The following EWSR1 variants were observed in gnomAD, a reference collection of about 807,000 sequenced individuals.
EWSR1 encodes the protein EWS RNA binding protein 1.
A neutral mutation model predicts 92.1 loss-of-function variants in EWSR1; 14 were observed. That is an observed-to-expected ratio of 0.15 (90% CI 0.10 to 0.24). The LOEUF (loss-of-function observed/expected upper bound fraction) is 0.24, where lower values mean the gene tolerates loss of function less well. Among genes scored for constraint, EWSR1 ranks in the 10% least tolerant of loss-of-function variants. The pLI, the probability that EWSR1 is intolerant of heterozygous loss-of-function variation, is 1.00. For synonymous variants in EWSR1, 303 were observed against 292.9 expected (o/e 1.03, Z -0.35); for missense variants, 637 against 870.9 (o/e 0.73, Z 3.38).
intron 4 of EWSR1, chr22:29,274,538 G>A (rs2058952220): frequency 4.5e-6 from 2 of 442,022 alleles, no homozygotes; most frequent in Non-Finnish European, 4.1e-6. Flanking sequence ...CCTTCCCAAA[G>A]GTATTTCAGG....
chr22:29,288,473 T>G, intron 7 of EWSR1, 133 bp from the exon 8 acceptor site: 3 of 775,656 alleles, frequency 3.9e-6, no homozygotes, highest in Non-Finnish European at 6.0e-6. Context: ...TTAAGGATGC[T>G]TTATCGTGAT....
At chr22:29,290,638 A>G (rs1444092599) in intron 8 of EWSR1, 2 of 1,427,452 alleles carry the variant, frequency 1.4e-6, no homozygotes, top group Non-Finnish European at 1.8e-6. Flanking sequence ...AGGAGGTATA[A>G]TACTCTAGAA....
chr22:29,297,497 G>T (rs1432169089), intron 12 of EWSR1, among the ~76,000 whole-genome samples: 1 of 152,114 alleles, frequency 6.6e-6, no homozygotes, highest in Non-Finnish European at 1.5e-5. Flanking sequence ...TTCACTAGCA[G>T]CCTGGGCAAC....
chr22:29,292,112 T>C (rs547525082), intron 9 of EWSR1, 25 bp from the exon 10 acceptor site: 25 of 1,611,012 alleles, frequency 1.6e-5, no homozygotes, highest in Non-Finnish European at 1.1e-5. Context: ...TAATAATATT[T>C]TATATGATCT....
At position 29,299,718 on chromosome 22, in the gene EWSR1, C is replaced by T. The variant is rs754794055; in HGVS notation, c.1798C>T (p.Arg600Cys). ...CCGTGGTGGAGACAGAGGTGGCTTC[C>T]GTGGTGGCCGGGGCATGGACCGAGG... is the stretch of plus-strand genomic sequence containing the variant. Reference protein sequence around the residue: ...GGRGGDRGGFRGGRGMDRGGF... With the variant: ...GGRGGDRGGFCGGRGMDRGGF... Residue 600 changes from arginine to cysteine, a missense_variant, in exon 16 of 17, where the codon CGT becomes TGT. By Grantham distance (180) the Arg-to-Cys change is radical. This residue lies in a region of EWSR1 where 363 missense variants were observed against 447.8 expected (regional missense o/e 0.81). Coordinates refer to ENST00000397938, the MANE Select transcript of EWSR1 (RefSeq NM_005243.4). 13 of 1,611,832 alleles carry T rather than the reference C, an allele frequency of 8.1e-6. No individual in the cohort carries two copies. Among genetic ancestry groups the T allele is most frequent in the East Asian group, 6.7e-5 (3 of 44,828 alleles).
In EWSR1 at chr22:29,296,403, G is replaced by A. The variant is rs778663192; in HGVS notation, c.1294+35G>A. On this transcript the variant is annotated intron_variant, in intron 12 of 16. Transcript: ENST00000397938. ...ACTCACTGGCATTCTTAATCTCCCTGGCTATAGAATATGGCATGAGGGAGA... is the reference window on the plus strand; with the variant it reads ...ACTCACTGGCATTCTTAATCTCCCTAGCTATAGAATATGGCATGAGGGAGA... 3.1e-6 allele frequency: 5 copies of A among 1,610,964 alleles called. No homozygotes were observed. In the Admixed American group the frequency reaches 8.4e-5, roughly 27 times the overall value.
intron 14 of EWSR1, 51 bp downstream of exon 14, chr22:29,298,946 C>T (rs951674748): frequency 1.3e-6 from 2 of 1,492,444 alleles, no homozygotes; most frequent in East Asian, 2.3e-5. Flanking sequence ...GCCACCCTTC[C>T]CTCACCCCAT....
intron 12 of EWSR1, among the ~76,000 whole-genome samples, chr22:29,297,043 C>G (rs937067546): frequency 5.3e-5 from 8 of 152,320 alleles, no homozygotes; most frequent in Non-Finnish European, 1.2e-4. Context: ...GAGCAAGACT[C>G]TGTCTCAAAG....
intron 1 of EWSR1, chr22:29,269,184 G>A (rs1291839227): frequency 6.6e-6 from 1 of 152,230 alleles, no homozygotes; most frequent in Non-Finnish European, 1.5e-5. Flanking sequence ...GATATTTCTG[G>A]TCTCTCTGAC....
intron 7 of EWSR1, among the ~76,000 whole-genome samples, chr22:29,287,352 C>T (rs949062000): frequency 2.6e-5 from 4 of 152,136 alleles, no homozygotes; most frequent in South Asian, 2.1e-4. Flanking sequence ...AGATGATAGG[C>T]GCCTGCCACT....
intron 5 of EWSR1, among the ~76,000 whole-genome samples, chr22:29,282,094 G>A (rs1357930165): frequency 1.3e-5 from 2 of 152,070 alleles, no homozygotes; most frequent in South Asian, 2.1e-4. Flanking sequence ...ACACAATATC[G>A]CAACGCACTT....
intron 8 of EWSR1, chr22:29,289,172 G>A (rs939310563): frequency 4.1e-6 from 1 of 243,626 alleles, no homozygotes; most frequent in Non-Finnish European, 8.0e-6. Context: ...AATACCTGGT[G>A]TATATACTGC....
intron 10 of EWSR1, 23 bp from the exon 11 acceptor site, chr22:29,292,465 T>C (rs1271944693): frequency 6.8e-7 from 1 of 1,478,632 alleles, no homozygotes; most frequent in South Asian, 1.1e-5. Flanking sequence ...ATAATAATTC[T>C]CCTGTCTTGT....
At position 29,273,749 on chromosome 22, in the gene EWSR1, G is replaced by A; in HGVS notation, c.111G>A (p.Gly37=). 4.3e-6 allele frequency: 7 copies of A among 1,611,852 alleles called. No individual in the cohort carries two copies. The highest frequency in any genetic ancestry group is 5.9e-6 in the Non-Finnish European group (7 of 1,179,412). ...QGYAQTTQAY[G]QQSYGTYGQP... ...GTTTTTTTTTGGAGCAGGCATATGGGCAACAAAGCTATGGAACCTATGGAC... is the reference window on the plus strand; with the variant it reads ...GTTTTTTTTTGGAGCAGGCATATGGACAACAAAGCTATGGAACCTATGGAC... Residue 37 remains glycine (G), a synonymous_variant, in exon 4 of 17, where the codon GGG becomes GGA. Transcript: ENST00000397938.
Position 29,300,466 on chromosome 22 carries a change from C to A in EWSR1, c.*305C>A. 3 of 280,840 alleles carry A rather than the reference C, an allele frequency of 1.1e-5. No homozygotes were observed. The highest frequency in any genetic ancestry group is 2.0e-5 in the Non-Finnish European group (3 of 152,700). The allele number at this position is 280,840 out of a possible 1,614,324, so 17.4% of individuals were successfully genotyped here. A position where few individuals can be genotyped will look rare whatever the true frequency, so the allele number is the denominator to read the frequency against. ...AGGGCCTCTTAACTGTAACAATGTT[C>A]ATGGTTGTGATGTTTTTTTTTTTTT... On this transcript the variant is annotated 3_prime_UTR_variant, in exon 17 of 17. Transcript: ENST00000397938.
chr22:29,290,113 A>T (rs1171778537), intron 8 of EWSR1: 1 of 285,628 alleles, frequency 3.5e-6, no homozygotes, highest in African/African-American at 2.1e-5. Context: ...TTGCTAGTAG[A>T]GGGGGCCCCT....
At chr22:29,299,066 T>C in intron 14 of EWSR1, 168 bp from the exon 15 acceptor site, 1 of 1,399,906 alleles carries the variant, frequency 7.1e-7, no homozygotes, top group Non-Finnish European at 9.8e-7. Context: ...CTTCTGAAGA[T>C]TGATTTGACC....
chr22:29,299,031 A>C, intron 14 of EWSR1, 136 bp downstream of exon 14: 1 of 1,315,512 alleles, frequency 7.6e-7, no homozygotes, highest in Non-Finnish European at 1.0e-6. Flanking sequence ...GACACTAGTC[A>C]GCCATTCACT....
At chr22:29,284,585 T>C (rs2059875388) in intron 6 of EWSR1, among the ~76,000 whole-genome samples, 1 of 151,186 alleles carries the variant, frequency 6.6e-6, no homozygotes, top group South Asian at 2.1e-4. Context: ...GATTATTGAA[T>C]TCATACAGCA....
Sources: gnomAD v4.1 joint callset for allele counts (sites outside exome capture counted in the v4.1 genomes callset) on GRCh38, gnomAD v4.1.1 for gene constraint, gnomAD v4.1.1 regional missense constraint, MANE v1.5 for transcripts, NCBI Gene and HGNC (gene_info 2026-07-23, HGNC 2026-07-21) for gene names.